Variants in KIF13A observed in about 807,000 individuals in gnomAD.
KIF13A encodes kinesin-like protein KIF13A.
In KIF13A, 79 loss-of-function variants were observed where a neutral mutation model predicts 212.2. The observed-to-expected ratio is 0.37, with a 90% confidence interval of 0.31 to 0.45. The LOEUF is 0.45. KIF13A is among the 20% of genes least tolerant of loss of function. The pLI, the probability that KIF13A is intolerant of heterozygous loss-of-function variation, is 1.00. For synonymous variants in KIF13A, 789 were observed against 808.6 expected (o/e 0.98, Z 0.41); for missense variants, 1,901 against 2,209.0 (o/e 0.86, Z 2.79).
chr6:17,792,322 T>C (rs569681271), intron 25 of KIF13A, among the ~76,000 whole-genome samples: 2 of 152,142 alleles, frequency 1.3e-5, no homozygotes, highest in Admixed American at 6.6e-5. Flanking sequence ...ACACAGCCGA[T>C]GTTTTTATTG....
At chr6:17,891,439 C>G (rs1405026531) in intron 3 of KIF13A, among the ~76,000 whole-genome samples, 2 of 152,148 alleles carry the variant, frequency 1.3e-5, no homozygotes, top group South Asian at 4.1e-4. Context: ...GGAAGAATAT[C>G]TTCATCTTCT....
At chr6:17,896,483 T>C (rs1772576245) in intron 3 of KIF13A, among the ~76,000 whole-genome samples, 1 of 152,198 alleles carries the variant, frequency 6.6e-6, no homozygotes, top group Non-Finnish European at 1.5e-5. Context: ...AAGGCCTATA[T>C]CTACTTTGTG....
intron 20 of KIF13A, among the ~76,000 whole-genome samples, chr6:17,801,918 C>T (rs1762502880): frequency 6.6e-6 from 1 of 152,136 alleles, no homozygotes; most frequent in African/African-American, 2.4e-5. Flanking sequence ...GGATAGGAGC[C>T]AGTTTAACCG....
intron 2 of KIF13A, among the ~76,000 whole-genome samples, chr6:17,956,390 T>G (rs867594275): frequency 6.6e-6 from 1 of 152,238 alleles, no homozygotes; most frequent in Non-Finnish European, 1.5e-5. Flanking sequence ...TGCAGCCAAG[T>G]GCCACCTGTT....
rs1412348036 is a variant in KIF13A at position 17,825,800 on chromosome 6, A to T, written c.1754T>A (p.Met585Lys). 1.2e-6 allele frequency: 2 copies of T among 1,613,942 alleles called. No individual in the cohort carries two copies. Among genetic ancestry groups the T allele is most frequent in the East Asian group, 4.5e-5 (2 of 44,878 alleles). Reference sequence around the variant, plus strand: ...ATTCAGGGTTTTCATGATAACTTCCATCTGTGCAAATTCATAGTTATAGTC... The same window carrying T: ...ATTCAGGGTTTTCATGATAACTTCCTTCTGTGCAAATTCATAGTTATAGTC... ...EPDYNYEFAQ[M>K]EVIMKTLNSN... The change falls in exon 16 of 39, where the codon ATG (methionine) becomes AAG (lysine). Residue 585 changes from methionine to lysine, a missense_variant. Transcript: ENST00000259711. This position sits in a 1 kb window ranked among gnomAD's most constrained non-coding sequence, Gnocchi z 4.5.
chr6:17,909,154 T>C (rs1366006167), intron 2 of KIF13A, among the ~76,000 whole-genome samples: 1 of 152,230 alleles, frequency 6.6e-6, no homozygotes, highest in Non-Finnish European at 1.5e-5. Flanking sequence ...ATGTCAACAT[T>C]GCTGAAACTA....
In KIF13A at chr6:17,908,674, TA is replaced by T. The variant is rs559322453; in HGVS notation, c.147-10495del. Among the ~76,000 whole-genome samples, 506 of 144,356 alleles carry T rather than the reference TA, an allele frequency of 3.5e-3. 5 individuals carry two copies. The South Asian group carries it at 0.041, about 12-fold the overall frequency. 94.7% of individuals were successfully genotyped at this position (144,356 alleles called of 152,430 possible). ...AAATGCTAATCCTGATATGCCTTCT[TA>T]AAAAAAAAAAACCCTGTTTCTTTTT... On this transcript the variant is annotated intron_variant, in intron 2 of 38. Transcript: ENST00000259711.
chr6:17,922,619 A>AG (rs1775174568), intron 2 of KIF13A, among the ~76,000 whole-genome samples: 1 of 151,836 alleles, frequency 6.6e-6, no homozygotes, highest in Non-Finnish European at 1.5e-5. Flanking sequence ...AAAAAAAAAA[A>AG]AAAAAGAAAG....
At chr6:17,896,577 T>C (rs1233187250) in intron 3 of KIF13A, among the ~76,000 whole-genome samples, 2 of 152,188 alleles carry the variant, frequency 1.3e-5, no homozygotes, top group Non-Finnish European at 2.9e-5. Context: ...ATGGCATGCA[T>C]ATACACATTG....
intron 3 of KIF13A, chr6:17,881,338 A>G: frequency 3.0e-6 from 1 of 336,508 alleles, no homozygotes; most frequent in Non-Finnish European, 5.7e-6. Context: ...ATATAATCTG[A>G]GGTAATGAAG....
chr6:17,936,642 C>T (rs1776490579), intron 2 of KIF13A, among the ~76,000 whole-genome samples: 1 of 152,114 alleles, frequency 6.6e-6, no homozygotes, highest in Admixed American at 6.5e-5. Flanking sequence ...TCACAGTAAT[C>T]CTATAATGTG....
chr6:17,779,070 C>A lies in KIF13A; in HGVS notation c.3969G>T (p.Thr1323=), dbSNP rs747536226. 6.2e-7 allele frequency: 1 copy of A among 1,613,554 alleles called. No individual in the cohort carries two copies. Among genetic ancestry groups the A allele is most frequent in the Middle Eastern group, 1.6e-4 (1 of 6,062 alleles). Residue 1323 remains threonine, a synonymous_variant, in exon 33 of 39, where the codon ACG becomes ACT. Coordinates refer to ENST00000259711, the MANE Select transcript of KIF13A (RefSeq NM_022113.6). The part of the protein sequence containing the change: ...KATEEIEDRE[T]LALLAARSEN... ...CACTCCTTGCTGCCAGGAGAGCCAG[C>A]GTTTCCCGGTCCTCTATCTCCTCAG... is the stretch of plus-strand genomic sequence containing the variant.
At chr6:17,796,279 G>A (rs1762025116) in intron 23 of KIF13A, among the ~76,000 whole-genome samples, 1 of 148,100 alleles carries the variant, frequency 6.8e-6, no homozygotes, top group African/African-American at 2.5e-5. Flanking sequence ...TTGGCTCACT[G>A]AAACCTCCAG....
chr6:17,950,420 GATTT>G (rs1165269912), intron 2 of KIF13A: 28 of 974,752 alleles, frequency 2.9e-5, no homozygotes, highest in African/African-American at 2.8e-4. Flanking sequence ...TTCAGAAAAT[GATTT>G]ATTAATGGAT....
intron 2 of KIF13A, among the ~76,000 whole-genome samples, chr6:17,945,000 C>T (rs1777261862): frequency 6.6e-6 from 1 of 152,144 alleles, no homozygotes; most frequent in African/African-American, 2.4e-5. Context: ...AGGTTGGGCA[C>T]AGTGGTTCAC....
Position 17,984,178 on chromosome 6 carries a change from A to G in KIF13A, c.146+2876T>C, listed in dbSNP as rs1442114074. ...AAATTATGTGGTTCATGAAATGGCAAAAGTATACACCAGCGTAATTTACCA... is the reference window on the plus strand; with the variant it reads ...AAATTATGTGGTTCATGAAATGGCAGAAGTATACACCAGCGTAATTTACCA... On this transcript the variant is annotated intron_variant, in intron 2 of 38. Transcript: ENST00000259711. This position sits in a 1 kb window ranked among gnomAD's most constrained non-coding sequence, Gnocchi z 5.0. Among the ~76,000 whole-genome samples the G allele has an allele frequency of 6.6e-6, 1 of 152,236 alleles. No homozygotes were observed. Among genetic ancestry groups the G allele is most frequent in the Non-Finnish European group, 1.5e-5 (1 of 68,040 alleles).
At chr6:17,876,997 T>C (rs1352686371) in intron 3 of KIF13A, among the ~76,000 whole-genome samples, 1 of 152,172 alleles carries the variant, frequency 6.6e-6, no homozygotes, top group African/African-American at 2.4e-5. Context: ...CATATCGAAT[T>C]CATCTTTGAA....
intron 2 of KIF13A, among the ~76,000 whole-genome samples, chr6:17,956,889 ATTT>A (rs56165328): frequency 6.7e-6 from 1 of 149,420 alleles, no homozygotes; most frequent in Admixed American, 6.7e-5. Flanking sequence ...GTTCAATCAC[ATTT>A]TTTTTTTTAG....
rs889422223 is a variant in KIF13A, at chr6:17,933,634, T to A, written c.147-35454A>T. Among the ~76,000 whole-genome samples, 112 of 152,018 alleles carry A rather than the reference T, an allele frequency of 7.4e-4. 1 individual carries two copies. The highest frequency in any genetic ancestry group is 2.6e-3 in the African/African-American group (106 of 41,494). On this transcript the variant is annotated intron_variant, in intron 2 of 38. Transcript: ENST00000259711. ...GAATGATCAAACCAACAATTTAGAT[T>A]TTTTTTTAAGTTTATTGATTTCCTG...
Sources: allele counts gnomAD v4.1 joint callset (sites outside exome capture counted in the v4.1 genomes callset), GRCh38; gene constraint gnomAD v4.1.1; non-coding constraint Gnocchi (gnomAD v3.1); transcripts MANE v1.5; gene names NCBI Gene and HGNC (gene_info 2026-07-23, HGNC 2026-07-21).